Variants in COL11A1 observed in about 807,000 individuals in gnomAD.
The protein encoded by COL11A1 is collagen alpha-1(XI) chain.
Under a neutral mutation model 265.2 loss-of-function variants are expected in COL11A1, and 74 were observed. The observed-to-expected ratio is 0.28, with a 90% CI of 0.23 to 0.34. The LOEUF (loss-of-function observed/expected upper bound fraction) is 0.34, where lower values mean the gene tolerates loss of function less well. COL11A1 is among the 10% of genes least tolerant of loss of function. The probability of loss-of-function intolerance (pLI) is 1.00; values close to 1 mark genes in which losing one functional copy is unlikely to be tolerated. For synonymous variants in COL11A1, 816 were observed against 727.6 expected, an observed-to-expected ratio of 1.12 and a Z score of -1.96; for missense variants, 2,165 against 2,263.6, an observed-to-expected ratio of 0.96 and a Z score of 0.88.
At chr1:102,992,647 T>C (rs1664251172) in intron 28 of COL11A1, among the ~76,000 whole-genome samples, 1 of 152,054 alleles carries the variant, frequency 6.6e-6, no homozygotes, top group Admixed American at 6.6e-5. Context: ...TATACAAAGT[T>C]TCTCTAAATC....
chr1:103,059,683 A>T (rs1318554551), intron 4 of COL11A1, among the ~76,000 whole-genome samples: 1 of 152,144 alleles, frequency 6.6e-6, no homozygotes, highest in Non-Finnish European at 1.5e-5. Flanking sequence ...TGTAACAAAG[A>T]ATCAAAAATA....
chr1:103,035,474 G>A (rs981143715), intron 4 of COL11A1, among the ~76,000 whole-genome samples: 1 of 151,962 alleles, frequency 6.6e-6, no homozygotes, highest in Non-Finnish European at 1.5e-5. Flanking sequence ...TCATCTTCAC[G>A]ATAAATTTTG....
At chr1:103,057,446 C>CGAA (rs1456695143) in intron 4 of COL11A1, among the ~76,000 whole-genome samples, 2 of 152,142 alleles carry the variant, frequency 1.3e-5, no homozygotes, top group Non-Finnish European at 2.9e-5. Context: ...ACAAACTTCT[C>CGAA]CTCCTATGAA....
intron 53 of COL11A1, among the ~76,000 whole-genome samples, chr1:102,912,428 A>G (rs1654799786): frequency 6.6e-6 from 1 of 152,196 alleles, no homozygotes. Flanking sequence ...TATAGTTAGA[A>G]CAAAGTGAAT....
At chr1:103,041,743 C>T (rs781561157) in intron 4 of COL11A1, among the ~76,000 whole-genome samples, 16 of 151,888 alleles carry the variant, frequency 1.1e-4, no homozygotes, top group Non-Finnish European at 2.1e-4. Context: ...ATGTGAAAAC[C>T]TGTTTCCTCT....
intron 24 of COL11A1, chr1:103,000,913 T>C: frequency 2.8e-6 from 1 of 359,584 alleles, no homozygotes. Flanking sequence ...AATGGAATAC[T>C]ATGAGAACAA....
At chr1:103,019,159 C>G (rs1020419193) in intron 9 of COL11A1, among the ~76,000 whole-genome samples, 5 of 152,104 alleles carry the variant, frequency 3.3e-5, no homozygotes, top group Admixed American at 2.0e-4. Context: ...ACAAAACAAT[C>G]TACCAAGGTT....
At chr1:103,009,134 C>A (rs1358594666) in intron 14 of COL11A1, among the ~76,000 whole-genome samples, 1 of 152,144 alleles carries the variant, frequency 6.6e-6, no homozygotes, top group African/African-American at 2.4e-5. Flanking sequence ...AAGAAGGTGA[C>A]CAGGCATGGT....
chr1:102,902,788 G>A (rs941728248), intron 54 of COL11A1, among the ~76,000 whole-genome samples: 1 of 150,924 alleles, frequency 6.6e-6, no homozygotes, highest in African/African-American at 2.4e-5. Flanking sequence ...TTTGAAATTT[G>A]AATTAATACT....
At chr1:103,062,134 A>G (rs1670723134) in intron 4 of COL11A1, among the ~76,000 whole-genome samples, 1 of 151,982 alleles carries the variant, frequency 6.6e-6, no homozygotes, top group Non-Finnish European at 1.5e-5. Context: ...AAACTCATAA[A>G]TAAAGAATTA....
At chr1:102,912,333 G>T in intron 53 of COL11A1, 121 bp from the exon 54 acceptor site, 1 of 750,612 alleles carries the variant, frequency 1.3e-6, no homozygotes, top group Non-Finnish European at 2.2e-6. Context: ...AATATTTCCT[G>T]GAAAATCTCA....
chr1:103,043,555 C>A (rs894835751), intron 4 of COL11A1, among the ~76,000 whole-genome samples: 2 of 151,954 alleles, frequency 1.3e-5, no homozygotes, highest in African/African-American at 4.8e-5. Flanking sequence ...GATCTCCTGG[C>A]CAATAATTTA....
Position 102,970,211 on chromosome 1 carries a change from T to G in COL11A1, c.2862+8A>C, listed in dbSNP as rs752572768. ...GAAATTTTTAATAAGAGTAACAAGG[T>G]CACTTACAGTCTCCCCACGTTGCCC... On this transcript the variant is annotated splice_region_variant and intron_variant, in intron 37 of 66. Coordinates refer to ENST00000370096, the MANE Select transcript of COL11A1 (RefSeq NM_001854.4). 30 of 1,611,846 alleles carry G rather than the reference T, an allele frequency of 1.9e-5. No homozygotes were observed. The highest frequency in any genetic ancestry group is 2.4e-5 in the Non-Finnish European group (28 of 1,178,484).
chr1:103,018,977 C>G (rs919057840), intron 9 of COL11A1, 118 bp from the exon 10 acceptor site: 8 of 753,014 alleles, frequency 1.1e-5, no homozygotes, highest in Admixed American at 2.5e-5. Flanking sequence ...TCTATTCATA[C>G]CACTTAAATT....
rs1665409366 is a variant in COL11A1, at chr1:103,004,463, C to G, written c.1925G>C (p.Arg642Thr). 2 of 1,612,000 alleles carry G rather than the reference C, an allele frequency of 1.2e-6. No homozygotes were observed. Among genetic ancestry groups the G allele is most frequent in the Non-Finnish European group, 8.5e-7 (1 of 1,178,918 alleles). ...GCTTACAGCTTCACCTGGAAGACCT[C>G]TTGGTCCAATTTCTCCATCTTCTCC... ...MRGEDGEIGP[R>T]GLPGEAGPRG... The change falls in exon 20 of 67, where the codon AGA becomes ACA. Residue 642 changes from arginine (R) to threonine (T), a missense_variant. Transcript: ENST00000370096.
At chr1:102,990,185 C>A (rs1018607653) in intron 28 of COL11A1, among the ~76,000 whole-genome samples, 32 of 151,810 alleles carry the variant, frequency 2.1e-4, no homozygotes, top group African/African-American at 7.3e-4. Context: ...ACTTCTCCCC[C>A]CAACAACAAC....
chr1:102,987,726 T>G lies in COL11A1; in HGVS notation c.2409A>C (p.Gln803His). ...GLKGDRGEVG[Q>H]IGPRGEDGPE... ...GGCCATCTTCCCCTCTTGGGCCAAT[T>G]TGACCAACTTCTCCCTGAGGCACAG... Residue 803 changes from glutamine (Q) to histidine (H), a missense_variant, in exon 30 of 67, where the codon CAA becomes CAC. By Grantham distance (24) the Gln-to-His change is conservative. Transcript: ENST00000370096. The G allele has an allele frequency of 6.2e-7, 1 of 1,613,424 alleles. No homozygotes were observed. The highest frequency in any genetic ancestry group is 8.5e-7 in the Non-Finnish European group (1 of 1,179,566).
intron 43 of COL11A1, among the ~76,000 whole-genome samples, chr1:102,939,418 T>A (rs1658487351): frequency 6.6e-6 from 1 of 152,188 alleles, no homozygotes; most frequent in African/African-American, 2.4e-5. Flanking sequence ...AAAAATTACT[T>A]TACCAGCTAG....
chr1:103,049,664 C>T (rs1669622906), intron 4 of COL11A1, among the ~76,000 whole-genome samples: 1 of 152,152 alleles, frequency 6.6e-6, no homozygotes, highest in African/African-American at 2.4e-5. Flanking sequence ...GGCTATTTTG[C>T]TCATTAGTTG....
Sources: gnomAD v4.1 joint callset for allele counts (sites outside exome capture counted in the v4.1 genomes callset) on GRCh38, gnomAD v4.1.1 for gene constraint, MANE v1.5 for transcripts, NCBI Gene and HGNC (gene_info 2026-07-23, HGNC 2026-07-21) for gene names.